The following GBP5 variants were observed in gnomAD, a reference collection of about 807,000 sequenced individuals.
The protein encoded by GBP5 is guanylate-binding protein 5.
Under a neutral mutation model 58.2 loss-of-function variants are expected in GBP5, and 48 were observed. The ratio of observed to expected loss-of-function variants is 0.83; its 90% confidence interval spans 0.65 to 1.05. The LOEUF (loss-of-function observed/expected upper bound fraction) is 1.05, where lower values mean the gene tolerates loss of function less well. Ranked by LOEUF, GBP5 falls within the 50% of genes least tolerant of loss-of-function variation. The pLI is 0.00. For synonymous variants in GBP5, 248 were observed against 251.8 expected (o/e 0.98, Z 0.14); for missense variants, 714 against 686.8 (o/e 1.04, Z -0.44).
intron 7 of GBP5, among the ~76,000 whole-genome samples, 194 bp downstream of exon 7, chr1:89,266,152 A>G (rs942054524): frequency 6.6e-6 from 1 of 152,212 alleles, no homozygotes; most frequent in Non-Finnish European, 1.5e-5. Flanking sequence ...TGTTTTATGT[A>G]ACTTTAAAGG....
chr1:89,266,292 G>GTGTCCCTTATAGTTT (rs1553134157), intron 7 of GBP5, 54 bp downstream of exon 7: 1 of 1,451,238 alleles, frequency 6.9e-7, no homozygotes, highest in Non-Finnish European at 9.5e-7. Context: ...CTTATAAAAA[G>GTGTCCCTTATAGTTT]TGTCCCTTAT....
chr1:89,271,076 T>C (rs1650428973), intron 1 of GBP5: 1 of 152,198 alleles, frequency 6.6e-6, no homozygotes, highest in African/African-American at 2.4e-5. Context: ...CTTTAATGCT[T>C]TTAGTAAAGC....
At chr1:89,267,188 G>C in intron 5 of GBP5, 35 bp from the exon 6 acceptor site, 1 of 1,521,404 alleles carries the variant, frequency 6.6e-7, no homozygotes, top group Non-Finnish European at 8.9e-7. Flanking sequence ...GCAGAAATAG[G>C]ACCACATCTA....
Position 89,267,524 on chromosome 1 carries a change from A to C in GBP5, c.321T>G (p.Ala107=). Residue 107 remains alanine (A), a splice_region_variant and synonymous_variant, in exon 5 of 12, where the codon GCT becomes GCG. Coordinates refer to ENST00000370459, the MANE Select transcript of GBP5 (RefSeq NM_052942.5). ...AGATCTGGATATCATTCTTGTTGTCAGCCTAGAAGTCAGACCAAATTTAAG... is the reference window on the plus strand; with the variant it reads ...AGATCTGGATATCATTCTTGTTGTCCGCCTAGAAGTCAGACCAAATTTAAG... ...DTEGLGDVEK[A]DNKNDIQIFA... is the part of the protein sequence containing the mutation. The C allele has an allele frequency of 6.2e-7, 1 of 1,610,542 alleles. No individual in the cohort carries two copies. The highest frequency in any genetic ancestry group is 1.1e-5 in the South Asian group (1 of 91,012).
chr1:89,271,879 A>G (rs1650470080), intron 1 of GBP5: 1 of 152,228 alleles, frequency 6.6e-6, no homozygotes, highest in South Asian at 2.1e-4. Context: ...TAGTTAAGTG[A>G]GTAGATGCCA....
chr1:89,267,474 C>A lies in GBP5; in HGVS notation c.371G>T (p.Ser124Ile), dbSNP rs774092247. The change falls in exon 5 of 12, where the codon AGC (serine) becomes ATC (isoleucine). Residue 124 changes from serine (S) to isoleucine (I), a missense_variant. Physicochemically the swap from Ser to Ile is moderately radical, Grantham distance 142. Coordinates refer to ENST00000370459, the MANE Select transcript of GBP5 (RefSeq NM_052942.5). ...QIFALALLLS[S>I]TFVYNTVNKI... ...GTTCACAGTATTGTACACAAAGGTGCTGCTCAGTAAGAGTGCCAGTGCAAA... is the reference window on the plus strand; with the variant it reads ...GTTCACAGTATTGTACACAAAGGTGATGCTCAGTAAGAGTGCCAGTGCAAA... The A allele has an allele frequency of 4.3e-6, 7 of 1,613,898 alleles. No homozygotes were observed. Among genetic ancestry groups the A allele is most frequent in the Middle Eastern group, 3.3e-4 (2 of 6,084 alleles).
chr1:89,268,827 G>A lies in GBP5; in HGVS notation c.220C>T (p.His74Tyr), dbSNP rs777397329. 8 of 1,613,878 alleles carry A rather than the reference G, an allele frequency of 5.0e-6. No individual in the cohort carries two copies. Among genetic ancestry groups the A allele is most frequent in the Non-Finnish European group, 6.8e-6 (8 of 1,179,934 alleles). ...CACCATATCCAAATTCCCTTGGTGT[G>A]AGACTGCACCGTAGATGCAACAGAG... is the stretch of plus-strand genomic sequence containing the variant. ...GFSVASTVQS[H>Y]TKGIWIWCVP... is the part of the protein sequence containing the mutation. The change falls in exon 4 of 12, where the codon CAC becomes TAC. Residue 74 changes from histidine to tyrosine, a missense_variant. By Grantham distance (83) the His-to-Tyr change is moderately conservative (BLOSUM62 2). Transcript: ENST00000370459.
chr1:89,265,833 T>C (rs910730287), intron 7 of GBP5, among the ~76,000 whole-genome samples: 1 of 152,208 alleles, frequency 6.6e-6, no homozygotes, highest in African/African-American at 2.4e-5. Context: ...ATTTGCACAC[T>C]TTTGTTTCCA....
At chr1:89,268,348 T>C (rs561682404) in intron 4 of GBP5, among the ~76,000 whole-genome samples, 12 of 152,242 alleles carry the variant, frequency 7.9e-5, no homozygotes, top group Non-Finnish European at 1.6e-4. Flanking sequence ...TTGGAGAGAC[T>C]TACTTCTCTT....
At position 89,262,382 on chromosome 1, in the gene GBP5, T is replaced by C; in HGVS notation, c.1485A>G (p.Glu495=). The C allele has an allele frequency of 6.2e-7, 1 of 1,613,966 alleles. No homozygotes were observed. Among genetic ancestry groups the C allele is most frequent in the Non-Finnish European group, 8.5e-7 (1 of 1,179,992 alleles). ...ACCTTTGCGCTTCAGCCTTTTCAGC[T>C]TCTGCTTTCACTTGTGCCTCTGAGG... is the stretch of plus-strand genomic sequence containing the variant. ...KKKKEAQVKA[E]AEKAEAQRLA... Residue 495 remains glutamate, a synonymous_variant, in exon 11 of 12, where the codon GAA becomes GAG. Coordinates refer to ENST00000370459, the MANE Select transcript of GBP5 (RefSeq NM_052942.5).
chr1:89,266,094 T>C (rs1252275905), intron 7 of GBP5, among the ~76,000 whole-genome samples: 2 of 152,260 alleles, frequency 1.3e-5, no homozygotes, highest in Non-Finnish European at 2.9e-5. Context: ...TGTGGATTAA[T>C]CCAGTTCAAC....
In GBP5 at chr1:89,266,590, T is replaced by C; in HGVS notation, c.626-2A>G. 6.2e-7 allele frequency: 1 copy of C among 1,604,866 alleles called. No individual in the cohort carries two copies. The highest frequency in any genetic ancestry group is 8.5e-7 in the Non-Finnish European group (1 of 1,174,694). On this transcript the variant is annotated splice_acceptor_variant, in intron 6 of 11. Coordinates refer to ENST00000370459, the MANE Select transcript of GBP5 (RefSeq NM_052942.5). LOFTEE classifies it high-confidence loss of function. ...AATTTTGAACTCTTTGATCACTACCTGGAGAATAAAAAATAGGATTTATTT... is the reference window on the plus strand; with the variant it reads ...AATTTTGAACTCTTTGATCACTACCCGGAGAATAAAAAATAGGATTTATTT...
intron 9 of GBP5, 67 bp from the exon 10 acceptor site, chr1:89,262,852 G>A (rs1650063357): frequency 1.0e-6 from 1 of 959,154 alleles, no homozygotes; most frequent in African/African-American, 1.7e-5. Context: ...AAACATCTTT[G>A]TCTTGTTCCT....
intron 4 of GBP5, among the ~76,000 whole-genome samples, 185 bp from the exon 5 acceptor site, chr1:89,267,711 A>T (rs1410067840): frequency 6.6e-6 from 1 of 152,228 alleles, no homozygotes; most frequent in Non-Finnish European, 1.5e-5. Context: ...TTAACTCACC[A>T]GTCCCTCTAC....
At chr1:89,266,699 A>T in intron 6 of GBP5, 111 bp from the exon 7 acceptor site, 1 of 1,082,572 alleles carries the variant, frequency 9.2e-7, no homozygotes, top group Admixed American at 2.5e-5. Flanking sequence ...ATATATCTTC[A>T]TAAACCCTAA....
In GBP5 at chr1:89,267,362, G is replaced by A. The variant is rs1027609568; in HGVS notation, c.428+55C>T. Reference sequence around the variant, plus strand: ...ACAAGGTCTCACAGACATGCAGCTGGTAAATAGAGGAGTTCTGTCGGACTT... The same window carrying A: ...ACAAGGTCTCACAGACATGCAGCTGATAAATAGAGGAGTTCTGTCGGACTT... On this transcript the variant is annotated intron_variant, in intron 5 of 11. Transcript: ENST00000370459. 1.6e-5 allele frequency: 20 copies of A among 1,257,200 alleles called. No individual in the cohort carries two copies. The African/African-American group carries it at 2.8e-4, about 18-fold the overall frequency. The allele number at this position is 1,257,200 out of a possible 1,614,324, so 77.9% of individuals were successfully genotyped here.
Position 89,268,716 on chromosome 1 carries a change from A to AG in GBP5, c.318+12_318+13insC. ...CAGAGATTAGGAGGTTAAAAAAAGG[A>AG]ATCCTTCCTTACCTTCTCTACATCT... On this transcript the variant is annotated intron_variant, in intron 4 of 11. Coordinates refer to ENST00000370459, the MANE Select transcript of GBP5 (RefSeq NM_052942.5). 6.2e-7 allele frequency: 1 copy of AG among 1,613,692 alleles called. No homozygotes were observed. The highest frequency in any genetic ancestry group is 1.7e-5 in the Admixed American group (1 of 59,980).
rs191053050 is a variant in GBP5 at position 89,267,414 on chromosome 1, T to C, written c.428+3A>G. The stretch of plus-strand genomic sequence containing the variant: ...GGTGCCATCCCATACCACAAAAGGA[T>C]ACTGCAGTAGGTCGATAGCACCCTG... On this transcript the variant is annotated splice_donor_region_variant and intron_variant, in intron 5 of 11. Coordinates refer to ENST00000370459, the MANE Select transcript of GBP5 (RefSeq NM_052942.5). The C allele has an allele frequency of 3.8e-6, 6 of 1,598,414 alleles. No individual in the cohort carries two copies. The East Asian group carries it at 1.3e-4, about 36-fold the overall frequency.
At chr1:89,268,157 A>G (rs1169536258) in intron 4 of GBP5, among the ~76,000 whole-genome samples, 3 of 152,236 alleles carry the variant, frequency 2.0e-5, no homozygotes, top group African/African-American at 4.8e-5. Flanking sequence ...CTTGAAATCA[A>G]TTATGATGGG....
Sources: allele counts gnomAD v4.1 joint callset (sites outside exome capture counted in the v4.1 genomes callset), GRCh38; gene constraint gnomAD v4.1.1; transcripts MANE v1.5; gene names NCBI Gene and HGNC (gene_info 2026-07-23, HGNC 2026-07-21).